Variants in PCDHA6 observed in about 807,000 individuals in gnomAD.
PCDHA6 encodes protocadherin alpha 6.
Under a neutral mutation model 60.3 loss-of-function variants are expected in PCDHA6, and 55 were observed. That is an observed-to-expected ratio of 0.91 (90% CI 0.73 to 1.14). The LOEUF (loss-of-function observed/expected upper bound fraction) is 1.14. Among genes scored for constraint, PCDHA6 ranks in the 50% most tolerant of loss-of-function variants. The probability of loss-of-function intolerance (pLI) is 0.00; values close to 1 mark genes in which losing one functional copy is unlikely to be tolerated. For synonymous variants in PCDHA6, 652 were observed against 557.9 expected (o/e 1.17, Z -2.38); for missense variants, 1,327 against 1,256.5 (o/e 1.06, Z -0.85).
chr5:140,840,181 T>C (rs1398905291), intron 1 of PCDHA6, among the ~76,000 whole-genome samples: 1 of 151,970 alleles, frequency 6.6e-6, no homozygotes, highest in African/African-American at 2.4e-5. Context: ...AAATTTTAAA[T>C]ATGGTAGGCA....
intron 1 of PCDHA6, among the ~76,000 whole-genome samples, chr5:140,918,314 A>G (rs2078635890): frequency 1.3e-5 from 2 of 152,138 alleles, no homozygotes; most frequent in Admixed American, 1.3e-4. Context: ...TTTTCTAGGT[A>G]TAAAATTATA....
At chr5:140,838,126 GTGTGTT>G (rs1562369435) in intron 1 of PCDHA6, among the ~76,000 whole-genome samples, 1 of 138,748 alleles carries the variant, frequency 7.2e-6, no homozygotes, top group Admixed American at 7.2e-5. Context: ...GTGTGTGTGT[GTGTGTT>G]TGACAGAGTT....
At chr5:140,939,603 C>T (rs1158258856) in intron 1 of PCDHA6, among the ~76,000 whole-genome samples, 1 of 152,068 alleles carries the variant, frequency 6.6e-6, no homozygotes, top group Non-Finnish European at 1.5e-5. Flanking sequence ...TGCTCAAAAA[C>T]AGAACAAGGA....
At chr5:140,836,251 G>T (rs1183967538) in intron 1 of PCDHA6, 39 of 1,613,668 alleles carry the variant, frequency 2.4e-5, no homozygotes, top group Middle Eastern at 3.3e-4. Context: ...ATCCCGTTCC[G>T]CGTGGGGCTG....
intron 3 of PCDHA6, among the ~76,000 whole-genome samples, chr5:141,007,371 TG>T (rs2098319446): frequency 7.8e-6 from 1 of 128,740 alleles, no homozygotes. Context: ...GGCAACATGA[TG>T]GAACACCATC....
At chr5:140,884,501 G>T (rs2060219226) in intron 1 of PCDHA6, 2 of 1,614,146 alleles carry the variant, frequency 1.2e-6, no homozygotes, top group Non-Finnish European at 1.7e-6. Context: ...CTCCAGCGCG[G>T]CAGGGAGTTG....
chr5:140,860,530 T>C (rs1210536247), intron 1 of PCDHA6: 1 of 152,180 alleles, frequency 6.6e-6, no homozygotes, highest in Non-Finnish European at 1.5e-5. Flanking sequence ...GAATTCTGAT[T>C]TGTAAGACAA....
intron 1 of PCDHA6, chr5:140,865,657 A>C (rs2048950943): frequency 6.6e-6 from 1 of 152,200 alleles, no homozygotes; most frequent in Admixed American, 6.5e-5. Flanking sequence ...ATTTCATTTA[A>C]TACTTATAAC....
At chr5:140,838,058 CT>C in intron 1 of PCDHA6, among the ~76,000 whole-genome samples, 1 of 146,710 alleles carries the variant, frequency 6.8e-6, no homozygotes, top group East Asian at 2.0e-4. Context: ...TGGTTTTCCA[CT>C]TTAAGTTATA....
chr5:140,828,544 G>C lies in PCDHA6; in HGVS notation c.453G>C (p.Val151=). ...LIYESRLPDS[V]FPLEGASDAD... is the part of the protein sequence containing the mutation. ...ACGAATCTAGGCTGCCAGATTCTGT[G>C]TTTCCACTGGAGGGCGCGTCCGATG... is the stretch of plus-strand genomic sequence containing the variant. The change falls in exon 1 of 4, where the codon GTG becomes GTC. Residue 151 remains valine, a synonymous_variant. Transcript: ENST00000529310. 6.2e-7 allele frequency: 1 copy of C among 1,614,214 alleles called. No homozygotes were observed. The highest frequency in any genetic ancestry group is 8.5e-7 in the Non-Finnish European group (1 of 1,180,046).
At chr5:141,006,634 A>G (rs1324728437) in intron 3 of PCDHA6, among the ~76,000 whole-genome samples, 4 of 152,220 alleles carry the variant, frequency 2.6e-5, no homozygotes, top group Non-Finnish European at 5.9e-5. Flanking sequence ...GCTGCAATTC[A>G]TATAAGAGAT....
At chr5:140,869,765 A>G in intron 1 of PCDHA6, 1 of 1,613,282 alleles carries the variant, frequency 6.2e-7, no homozygotes, top group Non-Finnish European at 8.5e-7. Context: ...GGAAAACCAG[A>G]GCTTACTGGC....
chr5:140,836,439 AT>A (rs1774485155), intron 1 of PCDHA6: 1 of 1,613,702 alleles, frequency 6.2e-7, no homozygotes, highest in Admixed American at 1.7e-5. Context: ...ATCGTTGGGC[AT>A]TGCAGGCCCA....
chr5:141,009,233 T>C (rs2098403082), intron 3 of PCDHA6, among the ~76,000 whole-genome samples: 1 of 152,184 alleles, frequency 6.6e-6, no homozygotes, highest in Non-Finnish European at 1.5e-5. Context: ...GGTGGGAGGA[T>C]CTCTTGAGCT....
intron 1 of PCDHA6, chr5:140,857,825 G>T: frequency 3.8e-6 from 6 of 1,597,886 alleles, no homozygotes; most frequent in Non-Finnish European, 3.4e-6. Flanking sequence ...GGTGGCTAAG[G>T]TGCGCGCAGT....
intron 1 of PCDHA6, among the ~76,000 whole-genome samples, chr5:140,846,372 TC>T (rs146357297): frequency 0.2 from 13,294 of 65,432 alleles, 1,456 homozygotes; most frequent in African/African-American, 0.26. Flanking sequence ...TTTCTTTCTT[TC>T]TTTTTTTTTT....
At chr5:140,961,271 AC>A (rs1460316643) in intron 1 of PCDHA6, among the ~76,000 whole-genome samples, 1 of 152,208 alleles carries the variant, frequency 6.6e-6, no homozygotes, top group Non-Finnish European at 1.5e-5. Context: ...GCTTCTTTTT[AC>A]CATGGCTCTG....
chr5:140,882,132 A>C, intron 1 of PCDHA6: 1 of 1,475,878 alleles, frequency 6.8e-7, no homozygotes. Flanking sequence ...TTCTTCCTGC[A>C]GAAAATATAG....
intron 2 of PCDHA6, among the ~76,000 whole-genome samples, chr5:140,980,573 T>G (rs1040024915): frequency 6.6e-6 from 1 of 152,066 alleles, no homozygotes; most frequent in Non-Finnish European, 1.5e-5. Context: ...GAAGTTGCAG[T>G]GAGCCAAGAT....
Sources: gnomAD v4.1 joint callset for allele counts (sites outside exome capture counted in the v4.1 genomes callset) on GRCh38, gnomAD v4.1.1 for gene constraint, MANE v1.5 for transcripts, NCBI Gene and HGNC (gene_info 2026-07-23, HGNC 2026-07-21) for gene names.